The following CDC6 variants were observed in gnomAD, a reference collection of about 807,000 sequenced individuals.
CDC6 encodes cell division cycle 6.
CDC6 carries 46 observed loss-of-function variants against 60.2 expected under a neutral mutation model. That is an observed-to-expected ratio of 0.76 (90% confidence interval 0.60 to 0.98). CDC6 has a LOEUF of 0.98. Ranked by LOEUF, CDC6 falls within the 50% of genes least tolerant of loss-of-function variation. The pLI is 0.00. For synonymous variants in CDC6, 210 were observed against 233.2 expected (o/e 0.90, Z 0.90); for missense variants, 596 against 652.9 (o/e 0.91, Z 0.95).
At chr17:40,301,241 C>T (rs2032936280) in intron 10 of CDC6, among the ~76,000 whole-genome samples, 1 of 152,316 alleles carries the variant, frequency 6.6e-6, no homozygotes, top group South Asian at 2.1e-4. Flanking sequence ...CTATCCTCCC[C>T]TTCATTTCTG....
chr17:40,299,912 C>T (rs1319273983), intron 9 of CDC6, among the ~76,000 whole-genome samples: 2 of 152,150 alleles, frequency 1.3e-5, no homozygotes, highest in Non-Finnish European at 2.9e-5. Context: ...TCACTCTCCA[C>T]ATTTAGCCAC....
rs2032960227 is a variant in CDC6, at chr17:40,302,894, G to A, written c.*893G>A. On this transcript the variant is annotated 3_prime_UTR_variant, in exon 12 of 12. Transcript: ENST00000209728. ...TAAGGAGACTATAACTCTACAGATT[G>A]TGAATATATTTATTTTCAAGTTGCA... is the stretch of plus-strand genomic sequence containing the variant. 6.6e-6 allele frequency: 1 copy of A among 152,182 alleles called. No individual in the cohort carries two copies. The highest frequency in any genetic ancestry group is 1.5e-5 in the Non-Finnish European group (1 of 68,046). The allele number at this position is 152,182 out of a possible 1,614,324, so 9.4% of individuals were successfully genotyped here.
Position 40,293,968 on chromosome 17 carries a change from G to A in CDC6, c.855G>A (p.Glu285=). ...TTTATAGTGTGTTGGTATTGGACGA[G>A]ATGGATCAACTGGACAGCAAAGGCC... ...KGPMIVLVLD[E]MDQLDSKGQD... is the part of the protein sequence containing the mutation. Residue 285 remains glutamate, a synonymous_variant, in exon 6 of 12, where the codon GAG becomes GAA. Transcript: ENST00000209728. 6.2e-7 allele frequency: 1 copy of A among 1,613,746 alleles called. No individual in the cohort carries two copies. The highest frequency in any genetic ancestry group is 8.5e-7 in the Non-Finnish European group (1 of 1,179,634).
Position 40,293,467 on chromosome 17 carries a change from A to G in CDC6, c.672A>G (p.Lys224=). Residue 224 remains lysine, a synonymous_variant, in exon 5 of 12, where the codon AAA becomes AAG. Coordinates refer to ENST00000209728, the MANE Select transcript of CDC6 (RefSeq NM_001254.4). ...RILQDLKKEL[K]GFKTIMLNCM... ...ATTTTTTTTTCCAGAAGGAACTGAA[A>G]GGCTTTAAAACTATCATGCTGAATT... 2.5e-6 allele frequency: 4 copies of G among 1,614,030 alleles called. No individual in the cohort carries two copies. Among genetic ancestry groups the G allele is most frequent in the Non-Finnish European group, 3.4e-6 (4 of 1,179,890 alleles).
At position 40,301,549 on chromosome 17, in the gene CDC6, C is replaced by T. The variant is rs369184043; in HGVS notation, c.1534C>T (p.Leu512Phe). Residue 512 changes from leucine to phenylalanine, a missense_variant, in exon 11 of 12, where the codon CTC becomes TTC. By Grantham distance (22) the Leu-to-Phe change is conservative (BLOSUM62 0). Transcript: ENST00000209728. The part of the protein sequence containing the change: ...DQSECLSLSG[L>F]LEARGILGLK... ...GTCAGAGTGTTTGTCACTTTCAGGG[C>T]TCTTGGAAGCCAGGGGCATTTTAGG... 6.2e-7 allele frequency: 1 copy of T among 1,613,924 alleles called. No individual in the cohort carries two copies. Among genetic ancestry groups the T allele is most frequent in the Non-Finnish European group, 8.5e-7 (1 of 1,179,816 alleles).
At chr17:40,293,680 G>A (rs1306853298) in intron 5 of CDC6, 49 bp downstream of exon 5, 2 of 1,416,618 alleles carry the variant, frequency 1.4e-6, no homozygotes, top group Non-Finnish European at 2.0e-6. Flanking sequence ...TGCAAGGTCT[G>A]TTGCCCATAA....
rs568927758 is a variant in CDC6, at chr17:40,290,483, A to T, written c.179-575A>T. Among the ~76,000 whole-genome samples, 4 of 152,256 alleles carry T rather than the reference A, an allele frequency of 2.6e-5. No homozygotes were observed. The South Asian group carries it at 8.3e-4, about 32-fold the overall frequency. On this transcript the variant is annotated intron_variant, in intron 2 of 11. Coordinates refer to ENST00000209728, the MANE Select transcript of CDC6 (RefSeq NM_001254.4). ...TTGGTCCAAGATGTCAGTGGTGCCA[A>T]GGTTGAGAAAACCTGTTTCAAAATA...
chr17:40,297,933 G>A (rs1264145305), intron 9 of CDC6, among the ~76,000 whole-genome samples: 1 of 152,168 alleles, frequency 6.6e-6, no homozygotes, highest in African/African-American at 2.4e-5. Context: ...TTTGGTTGTG[G>A]CAAATGTAAA....
chr17:40,293,722 G>A, intron 5 of CDC6, 91 bp downstream of exon 5: 2 of 1,105,744 alleles, frequency 1.8e-6, no homozygotes, highest in South Asian at 2.5e-5. Context: ...CTCTCTGAAG[G>A]ATAGTTACAT....
At chr17:40,296,560 G>A (rs1246487486) in intron 8 of CDC6, 143 bp from the exon 9 acceptor site, 19 of 659,330 alleles carry the variant, frequency 2.9e-5, no homozygotes, top group Non-Finnish European at 3.9e-5. Context: ...GATATGTGTA[G>A]GCTAAACCAT....
At chr17:40,294,600 T>A in intron 7 of CDC6, 97 bp downstream of exon 7, 2 of 1,161,812 alleles carry the variant, frequency 1.7e-6, no homozygotes, top group Non-Finnish European at 2.6e-6. Flanking sequence ...CTTGATTGCT[T>A]TATTAATGGA....
chr17:40,291,472 C>G lies in CDC6; in HGVS notation c.464C>G (p.Thr155Ser), dbSNP rs771381953. Residue 155 changes from threonine (T) to serine (S), a missense_variant, in exon 4 of 12, where the codon ACT (threonine) becomes AGT (serine). Physicochemically the swap from Thr to Ser is moderately conservative, Grantham distance 58. Coordinates refer to ENST00000209728, the MANE Select transcript of CDC6 (RefSeq NM_001254.4). Reference protein sequence around the residue: ...ACVRLFKQEGTCYQQAKLVLN... With the variant: ...ACVRLFKQEGSCYQQAKLVLN... Reference sequence around the variant, plus strand: ...TGACCTTTTATGTCTGGCACAGGCACTTGCTACCAGCAAGCAAAGCTGGTC... The same window carrying G: ...TGACCTTTTATGTCTGGCACAGGCAGTTGCTACCAGCAAGCAAAGCTGGTC... 1.2e-6 allele frequency: 2 copies of G among 1,614,238 alleles called. No individual in the cohort carries two copies. The highest frequency in any genetic ancestry group is 2.2e-5 in the South Asian group (2 of 91,074).
intron 10 of CDC6, 141 bp from the exon 11 acceptor site, chr17:40,301,327 T>C: frequency 1.2e-6 from 1 of 846,456 alleles, no homozygotes; most frequent in Non-Finnish European, 2.0e-6. Context: ...CAGAAGCCTG[T>C]TCAAAGATTT....
At chr17:40,292,798 G>A (rs1020213489) in intron 4 of CDC6, among the ~76,000 whole-genome samples, 4 of 151,976 alleles carry the variant, frequency 2.6e-5, no homozygotes, top group African/African-American at 9.7e-5. Flanking sequence ...AGGCGTGGTG[G>A]CGAGTGCCTG....
intron 9 of CDC6, 134 bp from the exon 10 acceptor site, chr17:40,300,694 A>G: frequency 3.8e-6 from 3 of 781,274 alleles, no homozygotes; most frequent in Non-Finnish European, 7.0e-6. Context: ...TTAGAGATTT[A>G]AAACCTCTGC....
rs1298538949 is a variant in CDC6 at position 40,293,512 on chromosome 17, C to G, written c.717C>G (p.Ala239=). ...TGAATTGCATGTCCTTGAGGACTGC[C>G]CAGGCTGTATTCCCAGCTATTGCTC... ...IMLNCMSLRT[A]QAVFPAIAQE... is the part of the protein sequence containing the mutation. Residue 239 remains alanine (A), a synonymous_variant, in exon 5 of 12, where the codon GCC becomes GCG. Coordinates refer to ENST00000209728, the MANE Select transcript of CDC6 (RefSeq NM_001254.4). 1.2e-6 allele frequency: 2 copies of G among 1,613,800 alleles called. No homozygotes were observed. The highest frequency in any genetic ancestry group is 1.7e-6 in the Non-Finnish European group (2 of 1,179,746).
chr17:40,301,738 A>C, intron 11 of CDC6, 130 bp downstream of exon 11: 1 of 1,000,140 alleles, frequency 1.0e-6, no homozygotes. Context: ...GGTAAGGTTT[A>C]AGGTGTGTAA....
intron 9 of CDC6, among the ~76,000 whole-genome samples, 173 bp from the exon 10 acceptor site, chr17:40,300,655 A>G (rs926411987): frequency 1.3e-5 from 2 of 152,236 alleles, no homozygotes; most frequent in Non-Finnish European, 2.9e-5. Flanking sequence ...TTAAGAGAAT[A>G]GCATTATCTC....
chr17:40,294,068 A>G lies in CDC6; in HGVS notation c.943+12A>G. 7 of 1,544,710 alleles carry G rather than the reference A, an allele frequency of 4.5e-6. 1 individual carries two copies. The highest frequency in any genetic ancestry group is 6.3e-6 in the Non-Finnish European group (7 of 1,116,740). On this transcript the variant is annotated intron_variant, in intron 6 of 11. Transcript: ENST00000209728. ...CTTGGTGCTGATTGGTTAGTGCTCA[A>G]TTGTTAATGTTACATGGTGGTTCTA...
Sources: gnomAD v4.1 joint callset for allele counts (sites outside exome capture counted in the v4.1 genomes callset) on GRCh38, gnomAD v4.1.1 for gene constraint, MANE v1.5 for transcripts, NCBI Gene and HGNC (gene_info 2026-07-23, HGNC 2026-07-21) for gene names.